Variants in DLGAP1 observed in about 807,000 individuals in gnomAD.
DLGAP1 encodes the protein disks large-associated protein 1.
A neutral mutation model predicts 90.8 loss-of-function variants in DLGAP1; 11 were observed. The ratio of observed to expected loss-of-function variants is 0.12; its 90% CI spans 0.08 to 0.20. DLGAP1 has a LOEUF of 0.20. Ranked by LOEUF, DLGAP1 falls within the 10% of genes least tolerant of loss-of-function variation. The pLI, the probability that DLGAP1 is intolerant of heterozygous loss-of-function variation, is 1.00. For missense variants in DLGAP1, 1,050 were observed against 1,333.8 expected (o/e 0.79, Z 3.31); for synonymous variants, 558 against 540.7 (o/e 1.03, Z -0.44).
rs548632126 is a variant in DLGAP1 at position 4,155,773 on chromosome 18, C to T, written c.-266-4486G>A. On this transcript the variant is annotated intron_variant, in intron 1 of 12. Coordinates refer to ENST00000315677, the MANE Select transcript of DLGAP1 (RefSeq NM_004746.4). ...GGAGTGGATCAAGGATGGCTCATGG[C>T]TTTTCAGCTTTTACTCTGAGAGTGA... Among the ~76,000 whole-genome samples the T allele has an allele frequency of 7.2e-5, 11 of 152,164 alleles. No individual in the cohort carries two copies. The East Asian group carries it at 1.9e-3, about 27-fold the overall frequency.
chr18:3,588,427 C>T (rs1196959317), intron 7 of DLGAP1, among the ~76,000 whole-genome samples: 2 of 151,062 alleles, frequency 1.3e-5, no homozygotes, highest in Non-Finnish European at 2.9e-5. Flanking sequence ...CCATTGCACT[C>T]CAGCCTGGGC....
intron 1 of DLGAP1, among the ~76,000 whole-genome samples, chr18:4,394,080 T>A (rs1361087504): frequency 6.6e-6 from 1 of 152,208 alleles, no homozygotes; most frequent in Non-Finnish European, 1.5e-5. Flanking sequence ...AGGTATGTAA[T>A]AAATATTTAT....
intron 4 of DLGAP1, among the ~76,000 whole-genome samples, chr18:3,840,675 C>G (rs1434049982): frequency 2.0e-5 from 3 of 152,182 alleles, no homozygotes; most frequent in Non-Finnish European, 4.4e-5. Flanking sequence ...TAACTACGAC[C>G]ACCCACACTA....
At chr18:3,793,470 A>G (rs2065840379) in intron 5 of DLGAP1, among the ~76,000 whole-genome samples, 1 of 151,724 alleles carries the variant, frequency 6.6e-6, no homozygotes, top group Non-Finnish European at 1.5e-5. Flanking sequence ...TCAGAGTACA[A>G]CCCAAAGTAT....
intron 2 of DLGAP1, among the ~76,000 whole-genome samples, chr18:4,140,858 C>A (rs2144306616): frequency 6.6e-6 from 1 of 152,058 alleles, no homozygotes; most frequent in Admixed American, 6.5e-5. Context: ...TGTCATGCCA[C>A]TCTCTCCTGG....
At chr18:4,142,310 C>T (rs538708466) in intron 2 of DLGAP1, among the ~76,000 whole-genome samples, 1 of 152,204 alleles carries the variant, frequency 6.6e-6, no homozygotes, top group South Asian at 2.1e-4. Flanking sequence ...ATTAAAAATG[C>T]CAATATTAGT....
chr18:4,151,874 C>T (rs890639707), intron 1 of DLGAP1, among the ~76,000 whole-genome samples: 4 of 152,160 alleles, frequency 2.6e-5, no homozygotes, highest in Non-Finnish European at 4.4e-5. Context: ...GTCTTAAAAC[C>T]TAGATGATGG....
intron 3 of DLGAP1, among the ~76,000 whole-genome samples, chr18:3,905,450 A>AAG (rs1568292029): frequency 6.6e-6 from 1 of 151,236 alleles, no homozygotes; most frequent in Non-Finnish European, 1.5e-5. Context: ...GAGAATTGGG[A>AAG]AGTCACCCTT....
intron 2 of DLGAP1, among the ~76,000 whole-genome samples, chr18:4,008,702 T>C (rs1014832103): frequency 1.3e-5 from 2 of 152,162 alleles, no homozygotes; most frequent in African/African-American, 4.8e-5. Flanking sequence ...AAAATAACAA[T>C]TCCTATACAA....
chr18:3,595,964 C>A (rs917228772), intron 7 of DLGAP1, among the ~76,000 whole-genome samples: 2 of 152,172 alleles, frequency 1.3e-5, no homozygotes, highest in African/African-American at 4.8e-5. Flanking sequence ...GTCTGCAGGT[C>A]TTCCTGGGTT....
In DLGAP1 at chr18:4,310,784, T is replaced by C. The variant is rs151241349; in HGVS notation, c.-267+144222A>G. Among the ~76,000 whole-genome samples, 88 of 152,300 alleles carry C rather than the reference T, an allele frequency of 5.8e-4. 1 individual carries two copies. The highest frequency in any genetic ancestry group is 2.1e-3 in the African/African-American group (86 of 41,568). On this transcript the variant is annotated intron_variant, in intron 1 of 12. Coordinates refer to ENST00000315677, the MANE Select transcript of DLGAP1 (RefSeq NM_004746.4). ...TCCCTTCCCATTTAAATAGTAAACA[T>C]TATTCTGTATGCCAAAAGGTTCATT... is the stretch of plus-strand genomic sequence containing the variant.
chr18:3,958,555 A>G (rs1488915201), intron 3 of DLGAP1, among the ~76,000 whole-genome samples: 4 of 150,922 alleles, frequency 2.7e-5, no homozygotes, highest in Non-Finnish European at 4.4e-5. Flanking sequence ...TGAAAGATTC[A>G]TTAAAGGCAA....
At chr18:4,150,765 T>C (rs1864860954) in intron 2 of DLGAP1, among the ~76,000 whole-genome samples, 1 of 152,254 alleles carries the variant, frequency 6.6e-6, no homozygotes, top group Admixed American at 6.5e-5. Flanking sequence ...ACTTACATCA[T>C]GTTGAACATG....
chr18:3,515,705 G>A (rs1599012137), intron 10 of DLGAP1, among the ~76,000 whole-genome samples: 1 of 149,634 alleles, frequency 6.7e-6, no homozygotes, highest in African/African-American at 2.5e-5. Flanking sequence ...CCTGAGCCTG[G>A]GAAGTTGAGT....
chr18:3,600,941 TAG>T (rs376577396), intron 7 of DLGAP1, among the ~76,000 whole-genome samples: 4 of 89,282 alleles, frequency 4.5e-5, no homozygotes, highest in East Asian at 2.5e-4. Flanking sequence ...GATATATAGA[TAG>T]ATATATAGAT....
rs1445365236 is a variant in DLGAP1 at position 3,685,692 on chromosome 18, C to T, written c.1591+43443G>A. Reference sequence around the variant, plus strand: ...CAAACTTCTGGCCTTAAGCAATCCTCCTGCATTGGCTCCCCAAAGTGCTGG... The same window carrying T: ...CAAACTTCTGGCCTTAAGCAATCCTTCTGCATTGGCTCCCCAAAGTGCTGG... On this transcript the variant is annotated intron_variant, in intron 7 of 12. Coordinates refer to ENST00000315677, the MANE Select transcript of DLGAP1 (RefSeq NM_004746.4). 2.0e-5 allele frequency among the ~76,000 whole-genome samples: 3 copies of T among 151,936 alleles called. No homozygotes were observed. The East Asian group carries it at 5.8e-4, about 29-fold the overall frequency.
chr18:3,521,341 C>T (rs2051173862), intron 10 of DLGAP1, among the ~76,000 whole-genome samples: 3 of 152,142 alleles, frequency 2.0e-5, no homozygotes, highest in Admixed American at 6.5e-5. Flanking sequence ...ACAACTTTTC[C>T]TTGGTTCCCC....
At chr18:3,779,424 T>C (rs1277644637) in intron 5 of DLGAP1, among the ~76,000 whole-genome samples, 1 of 152,156 alleles carries the variant, frequency 6.6e-6, no homozygotes, top group Non-Finnish European at 1.5e-5. Flanking sequence ...GTGGTTTCCA[T>C]TGCCTACCAA....
At chr18:4,416,048 A>G (rs2082891896) in intron 1 of DLGAP1, among the ~76,000 whole-genome samples, 1 of 152,182 alleles carries the variant, frequency 6.6e-6, no homozygotes, top group Non-Finnish European at 1.5e-5. Context: ...AACACATTGC[A>G]GTATTTCAAT....
Sources: allele counts gnomAD v4.1 joint callset (sites outside exome capture counted in the v4.1 genomes callset), GRCh38; gene constraint gnomAD v4.1.1; transcripts MANE v1.5; gene names NCBI Gene and HGNC (gene_info 2026-07-23, HGNC 2026-07-21).